XPR1: variants seen among roughly 807,000 people sequenced by gnomAD.
XPR1 encodes xenotropic and polytropic retrovirus receptor 1.
XPR1 carries 28 observed loss-of-function variants against 87.5 expected under a neutral mutation model. That is an observed-to-expected ratio of 0.32 (90% CI 0.24 to 0.44). The LOEUF is 0.44. Among genes scored for constraint, XPR1 ranks in the 20% least tolerant of loss-of-function variants. XPR1 has a pLI of 1.00. For synonymous variants in XPR1, 300 were observed against 306.1 expected (o/e 0.98, Z 0.21); for missense variants, 559 against 862.3 (o/e 0.65, Z 4.41).
At chr1:180,731,515 C>T (rs1232609146) in intron 2 of XPR1, among the ~76,000 whole-genome samples, 1 of 152,050 alleles carries the variant, frequency 6.6e-6, no homozygotes, top group African/African-American at 2.4e-5. Context: ...TTTGAGAGAC[C>T]TGAAAGTCCT....
chr1:180,691,484 T>C (rs1351164420), intron 2 of XPR1, among the ~76,000 whole-genome samples: 1 of 152,204 alleles, frequency 6.6e-6, no homozygotes, highest in African/African-American at 2.4e-5. Context: ...TTAATTCATC[T>C]CTGACTCAGC....
At position 180,750,714 on chromosome 1, in the gene XPR1, T is replaced by G. The variant is rs368111001; in HGVS notation, c.122-37039T>G. On this transcript the variant is annotated intron_variant, in intron 2 of 14. Transcript: ENST00000367590. Reference sequence around the variant, plus strand: ...TTTTTTATTTTCAAAATTGTTTGACTATTTTAACTTTTCTTAAATTTCCAT... The same window carrying G: ...TTTTTTATTTTCAAAATTGTTTGACGATTTTAACTTTTCTTAAATTTCCAT... Among the ~76,000 whole-genome samples the G allele has an allele frequency of 3.1e-4, 47 of 152,234 alleles. No individual in the cohort carries two copies. The South Asian group carries it at 5.0e-3, about 16-fold the overall frequency.
Position 180,811,487 on chromosome 1 carries a change from C to T in XPR1, c.762C>T (p.Ala254=), listed in dbSNP as rs776659201. 3.5e-5 allele frequency: 56 copies of T among 1,608,810 alleles called. No individual in the cohort carries two copies. In the Admixed American group the frequency reaches 3.7e-4, roughly 11 times the overall value. Residue 254 remains alanine (A), a splice_region_variant and synonymous_variant, in exon 7 of 15, where the codon GCC becomes GCT. Transcript: ENST00000367590. The part of the protein sequence containing the change: ...FIVLNITLVL[A]AVFKLETDRS... The stretch of plus-strand genomic sequence containing the variant: ...TACTGAATATTACCCTTGTGCTTGC[C>T]GGTAAGTAGTTTAAATTTTGAATTA...
chr1:180,668,217 C>A (rs1378944899), intron 1 of XPR1, among the ~76,000 whole-genome samples: 1 of 149,392 alleles, frequency 6.7e-6, no homozygotes, highest in Non-Finnish European at 1.5e-5. Flanking sequence ...CAACCTCCAC[C>A]TTCTGGGCTC....
chr1:180,714,399 CTCT>C, intron 2 of XPR1, among the ~76,000 whole-genome samples: 1 of 126,478 alleles, frequency 7.9e-6, no homozygotes, highest in African/African-American at 3.2e-5. Context: ...CTCTCTCTCT[CTCT>C]GTCGTCTGTC....
intron 2 of XPR1, among the ~76,000 whole-genome samples, chr1:180,753,016 C>G (rs894292721): frequency 3.3e-5 from 5 of 152,090 alleles, no homozygotes; most frequent in African/African-American, 1.2e-4. Flanking sequence ...AGCAGAAGAT[C>G]GTTTAGCCAT....
At chr1:180,861,490 G>A (rs578237811) in intron 11 of XPR1, among the ~76,000 whole-genome samples, 5 of 152,102 alleles carry the variant, frequency 3.3e-5, no homozygotes, top group East Asian at 3.9e-4. Flanking sequence ...CAGAACACAC[G>A]AACTATACCT....
intron 2 of XPR1, among the ~76,000 whole-genome samples, chr1:180,740,425 GT>G (rs1007765450): frequency 7.7e-5 from 11 of 143,660 alleles, no homozygotes; most frequent in African/African-American, 1.9e-4. Flanking sequence ...ATATGACCAT[GT>G]TTTTTTTTTC....
At chr1:180,854,407 CAT>C (rs1651968035) in intron 11 of XPR1, among the ~76,000 whole-genome samples, 1 of 152,192 alleles carries the variant, frequency 6.6e-6, no homozygotes, top group Admixed American at 6.5e-5. Context: ...GGTGAGTAAA[CAT>C]ATATGTTACA....
chr1:180,696,328 A>C (rs1657175919), intron 2 of XPR1, among the ~76,000 whole-genome samples: 1 of 151,608 alleles, frequency 6.6e-6, no homozygotes, highest in African/African-American at 2.4e-5. Flanking sequence ...TGTATCCTAC[A>C]ACTTTACGGA....
At chr1:180,656,053 C>A (rs545439792) in intron 1 of XPR1, among the ~76,000 whole-genome samples, 6 of 151,736 alleles carry the variant, frequency 4.0e-5, no homozygotes, top group African/African-American at 1.5e-4. Flanking sequence ...AGATCTTATT[C>A]AGTTTTTATA....
intron 1 of XPR1, among the ~76,000 whole-genome samples, chr1:180,657,639 A>G (rs1655581908): frequency 6.6e-6 from 1 of 151,666 alleles, no homozygotes; most frequent in South Asian, 2.1e-4. Flanking sequence ...ATTCTTTTCC[A>G]TTGTTCTGTG....
intron 2 of XPR1, among the ~76,000 whole-genome samples, chr1:180,695,581 T>C (rs765018891): frequency 1.3e-5 from 2 of 152,190 alleles, no homozygotes; most frequent in Non-Finnish European, 2.9e-5. Context: ...CATTTAAGTC[T>C]TCTGTCCATT....
chr1:180,705,255 C>CA (rs1290423787), intron 2 of XPR1, among the ~76,000 whole-genome samples: 1 of 152,142 alleles, frequency 6.6e-6, no homozygotes, highest in African/African-American at 2.4e-5. Flanking sequence ...ACCTTCGAAA[C>CA]AGAGTGCCAA....
chr1:180,665,706 G>C (rs1460085260), intron 1 of XPR1, among the ~76,000 whole-genome samples: 3 of 152,130 alleles, frequency 2.0e-5, no homozygotes, highest in African/African-American at 4.8e-5. Context: ...TTCTCTCTCT[G>C]TGCCACACAG....
intron 11 of XPR1, among the ~76,000 whole-genome samples, chr1:180,852,139 A>G (rs919638655): frequency 5.3e-5 from 8 of 152,110 alleles, no homozygotes; most frequent in African/African-American, 1.7e-4. Flanking sequence ...TGTATAGGGT[A>G]TAAGGTGGTT....
intron 2 of XPR1, among the ~76,000 whole-genome samples, chr1:180,717,193 A>G (rs1658025854): frequency 6.6e-6 from 1 of 152,122 alleles, no homozygotes; most frequent in Non-Finnish European, 1.5e-5. Flanking sequence ...GTGTTTCACC[A>G]TGTTGGTCAG....
At chr1:180,689,749 T>G (rs1025610773) in intron 2 of XPR1, among the ~76,000 whole-genome samples, 1 of 152,190 alleles carries the variant, frequency 6.6e-6, no homozygotes, top group Non-Finnish European at 1.5e-5. Context: ...TTGCGACAAA[T>G]GTACCATATT....
At position 180,737,760 on chromosome 1, in the gene XPR1, C is replaced by A. The variant is rs1658776047; in HGVS notation, c.122-49993C>A. Among the ~76,000 whole-genome samples, 5 of 152,164 alleles carry A rather than the reference C, an allele frequency of 3.3e-5. No homozygotes were observed. In the South Asian group the frequency reaches 1.0e-3, roughly 32 times the overall value. ...CCATACAGCATAACCCTCTGAGATT[C>A]ATGCTGGTGTTGCTTTTGTCAATAA... On this transcript the variant is annotated intron_variant, in intron 2 of 14. Coordinates refer to ENST00000367590, the MANE Select transcript of XPR1 (RefSeq NM_004736.4).
Sources: allele counts gnomAD v4.1 joint callset (sites outside exome capture counted in the v4.1 genomes callset), GRCh38; gene constraint gnomAD v4.1.1; transcripts MANE v1.5; gene names NCBI Gene and HGNC (gene_info 2026-07-23, HGNC 2026-07-21).